The following AFF2 variants were observed in gnomAD, a reference collection of about 807,000 sequenced individuals.
AFF2 encodes the protein ALF transcription elongation factor 2.
AFF2 carries 14 observed loss-of-function variants against 76.9 expected under a neutral mutation model. The observed-to-expected ratio is 0.18, with a 90% confidence interval of 0.12 to 0.28. The LOEUF (loss-of-function observed/expected upper bound fraction) is 0.28, where lower values mean the gene tolerates loss of function less well. Ranked by LOEUF, AFF2 falls within the 10% of genes least tolerant of loss-of-function variation. AFF2 has a pLI of 1.00. For synonymous variants in AFF2, 398 were observed against 366.7 expected (o/e 1.09, Z -0.98); for missense variants, 868 against 1,001.1 (o/e 0.87, Z 1.79).
intron 20 of AFF2, among the ~76,000 whole-genome samples, chrX:148,988,461 C>A (rs782242218): frequency 1.8e-5 from 2 of 111,605 alleles, no homozygotes; most frequent in African/African-American, 3.3e-5. Context: ...ACCTAGGCAA[C>A]CTAGGCAAGT....
chrX:148,907,780 A>C (rs888574068), intron 9 of AFF2, among the ~76,000 whole-genome samples: 1 of 111,475 alleles, frequency 9.0e-6, no homozygotes, highest in Non-Finnish European at 1.9e-5. Flanking sequence ...TCTTATCAGG[A>C]GACAGGGTTT....
At chrX:148,585,734 G>C (rs966339980) in intron 1 of AFF2, among the ~76,000 whole-genome samples, 1 of 108,833 alleles carries the variant, frequency 9.2e-6, no homozygotes, top group African/African-American at 3.4e-5. Flanking sequence ...CCAGCTGCTC[G>C]GGAGGCTGAG....
At chrX:148,867,024 G>A (rs1325886995) in intron 7 of AFF2, among the ~76,000 whole-genome samples, 3 of 112,210 alleles carry the variant, frequency 2.7e-5, no homozygotes, top group African/African-American at 9.7e-5. Context: ...CAGCTGGATG[G>A]CAGGTTCCTG....
intron 4 of AFF2, among the ~76,000 whole-genome samples, chrX:148,815,016 A>T (rs782087493): frequency 6.2e-4 from 69 of 112,049 alleles, no homozygotes; most frequent in African/African-American, 2.2e-3. Flanking sequence ...TGTATAAATA[A>T]TGTTCAACTT....
rs1245389625 is a variant in AFF2 at position 148,654,344 on chromosome X, T to C, written c.180+2213T>C. Among the ~76,000 whole-genome samples, 6 of 111,369 alleles carry C rather than the reference T, an allele frequency of 5.4e-5. No individual in the cohort carries two copies. The East Asian group carries it at 1.4e-3, about 26-fold the overall frequency. ...TTTTATTTGTTGATGACAATGGTCA[T>C]TGTGGGATGCCAAACTGCCAGGGGT... On this transcript the variant is annotated intron_variant, in intron 2 of 20. Coordinates refer to ENST00000370460, the MANE Select transcript of AFF2 (RefSeq NM_002025.4).
At chrX:148,834,505 ATGTGTGTGTGTGTGTGTGTG>A (rs61709112) in intron 4 of AFF2, among the ~76,000 whole-genome samples, 1 of 91,686 alleles carries the variant, frequency 1.1e-5, no homozygotes. Flanking sequence ...CCAGTCTCAG[ATGTGTGTGTGTGTGTGTGTG>A]TGTGTGTGTG....
chrX:148,807,225 G>C (rs2070147739), intron 3 of AFF2, among the ~76,000 whole-genome samples: 1 of 111,856 alleles, frequency 8.9e-6, no homozygotes, highest in African/African-American at 3.3e-5. Context: ...TCAAAGAGTA[G>C]AGATGATATT....
At chrX:148,902,412 T>A in intron 8 of AFF2, among the ~76,000 whole-genome samples, 1 of 111,987 alleles carries the variant, frequency 8.9e-6, no homozygotes, top group Middle Eastern at 4.6e-3. Flanking sequence ...CACAGTGACA[T>A]GTCTTCAGCC....
At chrX:148,635,853 G>A (rs6641446) in intron 1 of AFF2, among the ~76,000 whole-genome samples, 22,479 of 108,819 alleles carry the variant, frequency 0.21, 1,983 homozygotes, top group Middle Eastern at 0.35. Context: ...GGAGCGGGGG[G>A]CAGAGAAGTA....
At chrX:148,691,134 T>A (rs1205915888) in intron 3 of AFF2, among the ~76,000 whole-genome samples, 1 of 111,830 alleles carries the variant, frequency 8.9e-6, no homozygotes, top group Non-Finnish European at 1.9e-5. Context: ...TAACCGTGTG[T>A]CTACGCCTCA....
intron 3 of AFF2, among the ~76,000 whole-genome samples, chrX:148,778,482 T>C (rs942365271): frequency 2.6e-4 from 29 of 111,233 alleles, no homozygotes; most frequent in African/African-American, 8.8e-4. Context: ...TGTCTGGTCC[T>C]GGGCTTTTTA....
chrX:148,706,548 T>G (rs2054886916), intron 3 of AFF2, among the ~76,000 whole-genome samples: 2 of 112,513 alleles, frequency 1.8e-5, no homozygotes, highest in African/African-American at 6.5e-5. Context: ...CCCAGATACA[T>G]TTAAGTACCT....
At chrX:148,798,509 G>T (rs2070015612) in intron 3 of AFF2, among the ~76,000 whole-genome samples, 1 of 112,314 alleles carries the variant, frequency 8.9e-6, no homozygotes. Context: ...TACATGAACA[G>T]ATTTTCCAAA....
At chrX:148,647,512 C>A (rs1433818703) in intron 1 of AFF2, among the ~76,000 whole-genome samples, 1 of 111,502 alleles carries the variant, frequency 9.0e-6, no homozygotes, top group Non-Finnish European at 1.9e-5. Context: ...CCTTTAGGGT[C>A]TGTACATTTT....
At chrX:148,861,252 C>T (rs1557276394) in intron 7 of AFF2, among the ~76,000 whole-genome samples, 1 of 111,335 alleles carries the variant, frequency 9.0e-6, no homozygotes, top group Non-Finnish European at 1.9e-5. Flanking sequence ...CTTATTTATG[C>T]CATGCAAATG....
At chrX:148,863,917 A>T (rs2070877433) in intron 7 of AFF2, among the ~76,000 whole-genome samples, 1 of 111,750 alleles carries the variant, frequency 8.9e-6, no homozygotes, top group Admixed American at 9.5e-5. Flanking sequence ...AATTCTGCTG[A>T]CAAATCCACC....
At chrX:148,872,561 A>C (rs2070990342) in intron 7 of AFF2, among the ~76,000 whole-genome samples, 1 of 111,999 alleles carries the variant, frequency 8.9e-6, no homozygotes, top group African/African-American at 3.2e-5. Flanking sequence ...CTTTATGTCT[A>C]TTCCGCGATG....
At chrX:148,737,333 C>G (rs929910243) in intron 3 of AFF2, among the ~76,000 whole-genome samples, 1 of 110,669 alleles carries the variant, frequency 9.0e-6, no homozygotes, top group Admixed American at 9.6e-5. Flanking sequence ...GTTTTTTTCT[C>G]CTTTGTTAGG....
chrX:148,867,950 C>CT (rs2070927627), intron 7 of AFF2, among the ~76,000 whole-genome samples: 1 of 111,647 alleles, frequency 9.0e-6, no homozygotes, highest in South Asian at 3.8e-4. Context: ...TCCTCAAGGC[C>CT]ATCTCTCATA....
Sources: allele counts gnomAD v4.1 joint callset (sites outside exome capture counted in the v4.1 genomes callset), GRCh38; gene constraint gnomAD v4.1.1; transcripts MANE v1.5; gene names NCBI Gene and HGNC (gene_info 2026-07-23, HGNC 2026-07-21).